The following MIOX variants were observed in gnomAD, a reference collection of about 807,000 sequenced individuals.
The protein encoded by MIOX is inositol oxygenase.
MIOX carries 51 observed loss-of-function variants against 42.7 expected under a neutral mutation model. That is an observed-to-expected ratio of 1.19 (90% CI 0.95 to 1.51). MIOX has a LOEUF of 1.51. MIOX is among the 40% of genes most tolerant of loss of function. The pLI is 0.00. For missense variants in MIOX, 395 were observed against 381.3 expected (o/e 1.04, Z -0.30); for synonymous variants, 168 against 154.4 (o/e 1.09, Z -0.65).
At position 50,489,967 on chromosome 22, in the gene MIOX, C is replaced by A; in HGVS notation, c.*111C>A. The A allele has an allele frequency of 2.0e-6, 2 of 981,588 alleles. No individual in the cohort carries two copies. The highest frequency in any genetic ancestry group is 3.1e-6 in the Non-Finnish European group (2 of 642,936). The allele number at this position is 981,588 out of a possible 1,614,324, so 60.8% of individuals were successfully genotyped here. On this transcript the variant is annotated 3_prime_UTR_variant, in exon 10 of 10. Transcript: ENST00000216075. ...TCAGGGTTCACCTCGGTGGGGGACC[C>A]CACTCACCCCCTTAGGGTCGCCACC...
Position 50,488,289 on chromosome 22 carries a change from G to C in MIOX, c.355G>C (p.Val119Leu). The stretch of plus-strand genomic sequence containing the variant: ...CCCCCTCCCAGACTGGTTCCACCTC[G>C]TCGGGCTCCTGCACGACCTGGGGAA... The part of the protein sequence containing the change: ...AHPDKDWFHL[V>L]GLLHDLGKVL... The change falls in exon 5 of 10, where the codon GTC becomes CTC. Residue 119 changes from valine to leucine, a missense_variant. Val to Leu is a conservative substitution (Grantham distance 32). Coordinates refer to ENST00000216075, the MANE Select transcript of MIOX (RefSeq NM_017584.6). 2 of 1,613,230 alleles carry C rather than the reference G, an allele frequency of 1.2e-6. No individual in the cohort carries two copies. Among genetic ancestry groups the C allele is most frequent in the Non-Finnish European group, 1.7e-6 (2 of 1,179,568 alleles).
chr22:50,490,056 C>T lies in MIOX; in HGVS notation c.*200C>T, dbSNP rs1256996280. On this transcript the variant is annotated 3_prime_UTR_variant, in exon 10 of 10. Transcript: ENST00000216075. The stretch of plus-strand genomic sequence containing the variant: ...GAAGGATGTTGTGCTTCTGAAGCCC[C>T]ACTGGGTGTTACTGCAGCAGGGCGT... 2 of 599,900 alleles carry T rather than the reference C, an allele frequency of 3.3e-6. No homozygotes were observed. Among genetic ancestry groups the T allele is most frequent in the Non-Finnish European group, 5.9e-6 (2 of 336,626 alleles). The allele number at this position is 599,900 out of a possible 1,614,324, so 37.2% of individuals were successfully genotyped here.
In MIOX at chr22:50,489,440, C is replaced by T. The variant is rs2068330156; in HGVS notation, c.630C>T (p.Pro210=). ...QVMKFNKFSL[P]PEAFYMIRFH... ...TGAAGTTTAACAAGTTCTCACTGCC[C>T]CCTGAGGTAGGTGGGGGGAGGGGCA... The change falls in exon 8 of 10, where the codon CCC becomes CCT. Residue 210 remains proline (P), a synonymous_variant. Transcript: ENST00000216075. The T allele has an allele frequency of 1.2e-6, 2 of 1,607,042 alleles. No homozygotes were observed. Among genetic ancestry groups the T allele is most frequent in the Non-Finnish European group, 1.7e-6 (2 of 1,177,336 alleles).
At chr22:50,487,056 C>G in intron 1 of MIOX, 144 bp downstream of exon 1, 1 of 1,093,598 alleles carries the variant, frequency 9.1e-7, no homozygotes, top group Non-Finnish European at 1.3e-6. Flanking sequence ...CCCCCAGGCT[C>G]CCTGTGGACT....
In MIOX at chr22:50,487,261, C is replaced by T. The variant is rs570221790; in HGVS notation, c.16-124C>T. The T allele has an allele frequency of 1.9e-5, 15 of 804,326 alleles. No individual in the cohort carries two copies. The East Asian group carries it at 2.3e-4, about 12-fold the overall frequency. The allele number at this position is 804,326 out of a possible 1,614,324, so 49.8% of individuals were successfully genotyped here. On this transcript the variant is annotated intron_variant, in intron 1 of 9. Transcript: ENST00000216075. ...GATGGCGTGGGAGAGGCTGTGTCCT[C>T]GCGTGTCACCCACCAGCCCTCGAGC...
chr22:50,488,314 A>G lies in MIOX; in HGVS notation c.380A>G (p.Lys127Arg). ...GTCGGGCTCCTGCACGACCTGGGGA[A>G]GGTCCTGGCCCTGTTCGGGGAGCCC... ...HLVGLLHDLG[K>R]VLALFGEPQW... Residue 127 changes from lysine (K) to arginine (R), a missense_variant, in exon 5 of 10, where the codon AAG becomes AGG. By Grantham distance (26) the Lys-to-Arg change is conservative. Transcript: ENST00000216075. 6.2e-7 allele frequency: 1 copy of G among 1,612,672 alleles called. No individual in the cohort carries two copies.
At chr22:50,487,513 G>T in intron 2 of MIOX, 48 bp downstream of exon 2, 1 of 1,590,446 alleles carries the variant, frequency 6.3e-7, no homozygotes, top group Non-Finnish European at 8.6e-7. Flanking sequence ...CCACACCCTG[G>T]GGAGCAGCAC....
chr22:50,487,841 G>T (rs1461647166), intron 3 of MIOX, 45 bp from the exon 4 acceptor site: 3 of 1,612,072 alleles, frequency 1.9e-6, no homozygotes, highest in African/African-American at 1.3e-5. Flanking sequence ...CCTGTGTGGT[G>T]GGCCTGCTGA....
rs2068295778 is a variant in MIOX at position 50,488,031 on chromosome 22, A to AG, written c.325dup (p.Ala109GlyfsTer58). 2 of 1,613,694 alleles carry AG rather than the reference A, an allele frequency of 1.2e-6. No individual in the cohort carries two copies. Among genetic ancestry groups the AG allele is most frequent in the Non-Finnish European group, 1.7e-6 (2 of 1,179,876 alleles). On this transcript the variant is annotated frameshift_variant, in exon 4 of 10. Coordinates refer to ENST00000216075, the MANE Select transcript of MIOX (RefSeq NM_017584.6). LOFTEE classifies it high-confidence loss of function. ...TTCCAGACAGCGGAGGGCATCCGGA[A>AG]GGCCCACCCAGACAAGGGTGAGCCC... is the stretch of plus-strand genomic sequence containing the variant.
At position 50,489,351 on chromosome 22, in the gene MIOX, C is replaced by T. The variant is rs372545149; in HGVS notation, c.587-46C>T. On this transcript the variant is annotated intron_variant, in intron 7 of 9. Coordinates refer to ENST00000216075, the MANE Select transcript of MIOX (RefSeq NM_017584.6). ...GGGGGCGGTGGGGGACGGTGGGGGG[C>T]GGTGGGGCAGAGGCAGTGCCTGCTG... is the stretch of plus-strand genomic sequence containing the variant. 3.7e-4 allele frequency: 131 copies of T among 352,336 alleles called. No individual in the cohort carries two copies. The African/African-American group carries it at 4.7e-3, about 13-fold the overall frequency. The allele number at this position is 352,336 out of a possible 1,614,324, so 21.8% of individuals were successfully genotyped here. A position where few individuals can be genotyped will look rare whatever the true frequency, so the allele number is the denominator to read the frequency against.
rs752731072 is a variant in MIOX, at chr22:50,488,003, G to C, written c.295G>C (p.Ala99Pro). 6 of 1,613,976 alleles carry C rather than the reference G, an allele frequency of 3.7e-6. No homozygotes were observed. The highest frequency in any genetic ancestry group is 4.2e-6 in the Non-Finnish European group (5 of 1,179,948). Residue 99 changes from alanine to proline, a missense_variant, in exon 4 of 10, where the codon GCC becomes CCC. Coordinates refer to ENST00000216075, the MANE Select transcript of MIOX (RefSeq NM_017584.6). ...CGTAGATTTCCCCAACTCCTTCCAT[G>C]CCTTCCAGACAGCGGAGGGCATCCG... ...PDVDFPNSFH[A>P]FQTAEGIRKA...
At chr22:50,488,130 G>A in intron 4 of MIOX, 82 bp downstream of exon 4, 2 of 1,593,216 alleles carry the variant, frequency 1.3e-6, no homozygotes, top group Non-Finnish European at 1.7e-6. Flanking sequence ...GGAGGGGACA[G>A]TAGTGGGCCC....
At chr22:50,487,055 T>A in intron 1 of MIOX, 143 bp downstream of exon 1, 1 of 1,112,006 alleles carries the variant, frequency 9.0e-7, no homozygotes, top group Non-Finnish European at 1.3e-6. Flanking sequence ...ACCCCCAGGC[T>A]CCCTGTGGAC....
rs1486958979 is a variant in MIOX, at chr22:50,487,383, A to G, written c.16-2A>G. 3 of 1,610,598 alleles carry G rather than the reference A, an allele frequency of 1.9e-6. No homozygotes were observed. In the African/African-American group the frequency reaches 4.0e-5, roughly 22 times the overall value. ...AATAGGTTCAATCCTCCACCTACCC[A>G]GGGCCCAGACCCTTCCCTGGTCTAC... is the stretch of plus-strand genomic sequence containing the variant. On this transcript the variant is annotated splice_acceptor_variant, in intron 1 of 9. Coordinates refer to ENST00000216075, the MANE Select transcript of MIOX (RefSeq NM_017584.6). LOFTEE classifies it high-confidence loss of function.
chr22:50,489,380 A>G lies in MIOX; in HGVS notation c.587-17A>G. 1 of 1,564,448 alleles carries G rather than the reference A, an allele frequency of 6.4e-7. No homozygotes were observed. The highest frequency in any genetic ancestry group is 8.6e-7 in the Non-Finnish European group (1 of 1,160,300). ...GGGGCAGAGGCAGTGCCTGCTGGTG[A>G]CACCCTCTCCCCACAGAGTACATGT... On this transcript the variant is annotated splice_polypyrimidine_tract_variant and intron_variant, in intron 7 of 9. Transcript: ENST00000216075.
Position 50,489,729 on chromosome 22 carries a change from C to T in MIOX, c.750-19C>T. 6.2e-7 allele frequency: 1 copy of T among 1,610,294 alleles called. No individual in the cohort carries two copies. On this transcript the variant is annotated intron_variant, in intron 9 of 9. Transcript: ENST00000216075. ...GCCTGGGGGTTCTTCACGGGGCTCA[C>T]CGCCCCTCCCTGCTGCAGCAAGTTC...
chr22:50,487,506 C>A, intron 2 of MIOX, 41 bp downstream of exon 2: 1 of 1,586,220 alleles, frequency 6.3e-7, no homozygotes, highest in Non-Finnish European at 8.6e-7. Flanking sequence ...CCCCCATCCA[C>A]ACCCTGGGGA....
chr22:50,489,974 C>A lies in MIOX; in HGVS notation c.*118C>A. 2 of 931,784 alleles carry A rather than the reference C, an allele frequency of 2.1e-6. No homozygotes were observed. The highest frequency in any genetic ancestry group is 4.2e-5 in the Admixed American group (2 of 47,506). The allele number at this position is 931,784 out of a possible 1,614,324, so 57.7% of individuals were successfully genotyped here. On this transcript the variant is annotated 3_prime_UTR_variant, in exon 10 of 10. Coordinates refer to ENST00000216075, the MANE Select transcript of MIOX (RefSeq NM_017584.6). ...TCACCTCGGTGGGGGACCCCACTCACCCCCTTAGGGTCGCCACCCCTCACG... is the reference window on the plus strand; with the variant it reads ...TCACCTCGGTGGGGGACCCCACTCAACCCCTTAGGGTCGCCACCCCTCACG...
rs185438473 is a variant in MIOX, at chr22:50,490,348, C to T, written c.*492C>T. 213 of 174,826 alleles carry T rather than the reference C, an allele frequency of 1.2e-3. 1 individual carries two copies. The highest frequency in any genetic ancestry group is 4.9e-3 in the African/African-American group (208 of 42,460). 10.8% of individuals were successfully genotyped at this position (174,826 alleles called of 1,614,324 possible). ...AAAAACAAATGCAGGCTGGGCACAG[C>T]GGCTCACACCTATAATCCCAGCACT... On this transcript the variant is annotated 3_prime_UTR_variant, in exon 10 of 10. Transcript: ENST00000216075.
Sources: gnomAD v4.1 joint callset for allele counts on GRCh38, gnomAD v4.1.1 for gene constraint, MANE v1.5 for transcripts, NCBI Gene and HGNC (gene_info 2026-07-23, HGNC 2026-07-21) for gene names.